The following CAPG variants were observed in gnomAD, a reference collection of about 807,000 sequenced individuals.
CAPG encodes capping actin protein, gelsolin like.
CAPG carries 32 observed loss-of-function variants against 44.6 expected under a neutral mutation model. The observed-to-expected ratio is 0.72, with a 90% CI of 0.54 to 0.96. The LOEUF (loss-of-function observed/expected upper bound fraction) is 0.96, where lower values mean the gene tolerates loss of function less well. Ranked by LOEUF, CAPG falls within the 50% of genes least tolerant of loss-of-function variation. CAPG has a pLI of 0.00. For missense variants in CAPG, 412 were observed against 438.3 expected, an observed-to-expected ratio of 0.94 and a Z score of 0.54; for synonymous variants, 175 against 179.6, an observed-to-expected ratio of 0.97 and a Z score of 0.20.
chr2:85,408,665 A>C (rs1687284914), intron 1 of CAPG: 1 of 152,178 alleles, frequency 6.6e-6, no homozygotes, highest in African/African-American at 2.4e-5. Flanking sequence ...AGAGACAAAG[A>C]ATAGCCCATG....
intron 1 of CAPG, among the ~76,000 whole-genome samples, chr2:85,403,627 G>A (rs528568276): frequency 1.2e-4 from 18 of 152,184 alleles, no homozygotes; most frequent in South Asian, 2.1e-4. Flanking sequence ...GGTGGCTCAC[G>A]CCTGTAATCC....
upstream of CAPG, among the ~76,000 whole-genome samples, chr2:85,410,865 G>GT (rs200397680): frequency 0.015 from 1,909 of 125,958 alleles, 18 homozygotes; most frequent in Middle Eastern, 0.04. Context: ...GGTTTTTTTT[G>GT]TTTTTTTTTT....
rs1193175064 is a variant in CAPG, at chr2:85,399,283, G to A, written c.519C>T (p.Asn173=). 7.4e-6 allele frequency: 12 copies of A among 1,614,002 alleles called. No homozygotes were observed. The highest frequency in any genetic ancestry group is 1.1e-5 in the South Asian group (1 of 91,052). Residue 173 remains asparagine (N), a splice_region_variant and synonymous_variant, in exon 6 of 10, where the codon AAC becomes AAT. Coordinates refer to ENST00000263867, the MANE Select transcript of CAPG (RefSeq NM_001747.4). ...GDCFILDLGQ[N]IFAWCGGKSN... ...ACTTTCCACCACACCAGGCGAAGATGTTCTGCAAGGAAGCAGGAAAGTCCG... is the reference window on the plus strand; with the variant it reads ...ACTTTCCACCACACCAGGCGAAGATATTCTGCAAGGAAGCAGGAAAGTCCG...
intron 8 of CAPG, 152 bp downstream of exon 8, chr2:85,397,868 T>A (rs573419068): frequency 5.9e-5 from 44 of 746,042 alleles, no homozygotes; most frequent in Non-Finnish European, 7.5e-5. Context: ...TTAAAAAAAA[T>A]TTTTAAAGAG....
chr2:85,411,441 A>G (rs1573193629), upstream of CAPG, among the ~76,000 whole-genome samples: 1 of 152,218 alleles, frequency 6.6e-6, no homozygotes, highest in East Asian at 1.9e-4. Flanking sequence ...GAGACTGCCC[A>G]CAAACACACA....
At chr2:85,413,626 A>G (rs1433623880), upstream of CAPG, among the ~76,000 whole-genome samples, 1 of 152,200 alleles carries the variant, frequency 6.6e-6, no homozygotes, top group East Asian at 1.9e-4. Flanking sequence ...CCGGTCGCTC[A>G]GCCTAGGACT....
intron 1 of CAPG, among the ~76,000 whole-genome samples, chr2:85,407,131 A>G (rs1687199969): frequency 6.6e-6 from 1 of 151,884 alleles, no homozygotes; most frequent in Non-Finnish European, 1.5e-5. Flanking sequence ...AGGTTTCACC[A>G]TGTCAGTCAG....
In CAPG at chr2:85,395,662, G is replaced by T; in HGVS notation, c.893-36C>A. On this transcript the variant is annotated intron_variant, in intron 8 of 9. Transcript: ENST00000263867. The surrounding 1 kb of genome is among the most constrained non-coding windows in gnomAD (Gnocchi z 4.3). ...GGAAGGAGATTTTTAAAAAGAGCAG[G>T]GACCCTCTTTAGCTGCCATCCCATT... The T allele has an allele frequency of 6.7e-7, 1 of 1,494,712 alleles. No individual in the cohort carries two copies. Among genetic ancestry groups the T allele is most frequent in the Non-Finnish European group, 9.3e-7 (1 of 1,079,868 alleles). The allele number at this position is 1,494,712 out of a possible 1,614,324, so 92.6% of individuals were successfully genotyped here.
intron 1 of CAPG, among the ~76,000 whole-genome samples, chr2:85,409,305 A>T (rs1236673039): frequency 1.3e-5 from 2 of 152,110 alleles, no homozygotes; most frequent in Non-Finnish European, 2.9e-5. Flanking sequence ...CCAGACTGCC[A>T]TGGGGCTGGG....
upstream of CAPG, among the ~76,000 whole-genome samples, chr2:85,413,667 G>A (rs887210867): frequency 2.0e-5 from 3 of 152,176 alleles, no homozygotes; most frequent in Non-Finnish European, 4.4e-5. Flanking sequence ...CAATGCACAT[G>A]CTAATGAGTT....
chr2:85,403,718 C>A (rs1687013793), intron 1 of CAPG, among the ~76,000 whole-genome samples: 1 of 151,708 alleles, frequency 6.6e-6, no homozygotes, highest in South Asian at 2.1e-4. Flanking sequence ...GAAACCCTAT[C>A]TCTACTAAAA....
chr2:85,393,917 TG>T (rs1686475942), downstream of CAPG, among the ~76,000 whole-genome samples: 1 of 152,182 alleles, frequency 6.6e-6, no homozygotes, highest in African/African-American at 2.4e-5. Flanking sequence ...ACTTGCCAAT[TG>T]ATCAGAATTT....
intron 1 of CAPG, among the ~76,000 whole-genome samples, chr2:85,405,534 G>A (rs549218984): frequency 1.1e-4 from 17 of 152,218 alleles, no homozygotes; most frequent in African/African-American, 3.4e-4. Flanking sequence ...GCAATATTTC[G>A]CAGGGGCCAG....
In CAPG at chr2:85,399,164, T is replaced by C; in HGVS notation, c.638A>G (p.Asp213Gly). The C allele has an allele frequency of 6.2e-7, 1 of 1,614,164 alleles. No individual in the cohort carries two copies. Among genetic ancestry groups the C allele is most frequent in the Non-Finnish European group, 8.5e-7 (1 of 1,179,990 alleles). ...QGKAQVEIVT[D>G]GEEPAEMIQV... is the part of the protein sequence containing the mutation. Reference sequence around the variant, plus strand: ...GATCATCTCAGCAGGCTCCTCCCCATCAGTGACAATCTCCACCTGGGCCTT... The same window carrying C: ...GATCATCTCAGCAGGCTCCTCCCCACCAGTGACAATCTCCACCTGGGCCTT... Residue 213 changes from aspartate (D) to glycine (G), a missense_variant, in exon 6 of 10, where the codon GAT becomes GGT. Transcript: ENST00000263867.
chr2:85,415,955 G>A (rs1395528990), intron 1 of CAPG, among the ~76,000 whole-genome samples: 1 of 152,126 alleles, frequency 6.6e-6, no homozygotes, highest in Non-Finnish European at 1.5e-5. Flanking sequence ...GAGCTCAAGT[G>A]ATCCTCCTTC....
chr2:85,394,645 C>G, downstream of CAPG: 1 of 558,110 alleles, frequency 1.8e-6, no homozygotes, highest in Non-Finnish European at 3.2e-6. Context: ...GCAGCTCTGG[C>G]CCCTCCAAGG....
chr2:85,395,547 CG>C lies in CAPG; in HGVS notation c.971del (p.Pro324ArgfsTer61), dbSNP rs752364486. On this transcript the variant is annotated frameshift_variant, in exon 9 of 10. Transcript: ENST00000263867. LOFTEE classifies it high-confidence loss of function. The surrounding 1 kb of genome is among the most constrained non-coding windows in gnomAD (Gnocchi z 4.3). The part of the protein sequence containing the change: ...EGFISRMQYA[P>X]NTQVEILPQG... Reference sequence around the variant, plus strand: ...GTGCGCATCTCCTCACCTGAGTGTTCGGGGCGTACTGCATGCGCGAGATGAA... The same window carrying C: ...GTGCGCATCTCCTCACCTGAGTGTTCGGGCGTACTGCATGCGCGAGATGAA... 4.3e-6 allele frequency: 7 copies of C among 1,613,154 alleles called. No homozygotes were observed. The highest frequency in any genetic ancestry group is 5.1e-6 in the Non-Finnish European group (6 of 1,179,514).
At chr2:85,405,217 A>C (rs1438451077) in intron 1 of CAPG, among the ~76,000 whole-genome samples, 2 of 152,306 alleles carry the variant, frequency 1.3e-5, no homozygotes, top group East Asian at 3.9e-4. Context: ...GCTAAACGCA[A>C]GTATTTTTTA....
upstream of CAPG, among the ~76,000 whole-genome samples, chr2:85,411,918 C>T (rs915314859): frequency 2.0e-5 from 3 of 151,600 alleles, no homozygotes; most frequent in South Asian, 2.1e-4. Flanking sequence ...AAAAATTAGC[C>T]GGGCATGGTC....
Sources: gnomAD v4.1 joint callset for allele counts (sites outside exome capture counted in the v4.1 genomes callset) on GRCh38, gnomAD v4.1.1 for gene constraint, Gnocchi (gnomAD v3.1) non-coding constraint, MANE v1.5 for transcripts, NCBI Gene and HGNC (gene_info 2026-07-23, HGNC 2026-07-21) for gene names.